The following TNFSF15 variants were observed in gnomAD, a reference collection of about 807,000 sequenced individuals.
TNFSF15 encodes the protein TNF superfamily member 15.
In TNFSF15, 15 loss-of-function variants were observed where a neutral mutation model predicts 26.4. The ratio of observed to expected loss-of-function variants is 0.57; its 90% CI spans 0.38 to 0.87. TNFSF15 has a LOEUF of 0.87. Among genes scored for constraint, TNFSF15 ranks in the 40% least tolerant of loss-of-function variants. TNFSF15 has a pLI of 0.00. For synonymous variants in TNFSF15, 116 were observed against 115.0 expected (o/e 1.01, Z -0.06); for missense variants, 290 against 306.1 (o/e 0.95, Z 0.39).
In TNFSF15 at chr9:114,790,476, G is replaced by A; in HGVS notation, c.732C>T (p.Thr244=). The change falls in exon 4 of 4, where the codon ACC becomes ACT. Residue 244 remains threonine, a synonymous_variant. Coordinates refer to ENST00000374045, the MANE Select transcript of TNFSF15 (RefSeq NM_005118.4). The part of the protein sequence containing the change: ...SLVDYTKEDK[T]FFGAFLL The stretch of plus-strand genomic sequence containing the variant: ...CCTATAGTAAGAAGGCTCCAAAGAA[G>A]GTTTTATCTTCTTTTGTGTAATCCA... The A allele has an allele frequency of 6.2e-7, 1 of 1,610,016 alleles. No homozygotes were observed. The highest frequency in any genetic ancestry group is 1.3e-5 in the African/African-American group (1 of 74,824).
At position 114,793,587 on chromosome 9, in the gene TNFSF15, T is replaced by C; in HGVS notation, c.211-19A>G. ...TTAGAGCCTATTGGGAAAGAAAGTA[T>C]AGTTTAGACCAACTGTGGTCCTTTT... On this transcript the variant is annotated intron_variant, in intron 1 of 3. Coordinates refer to ENST00000374045, the MANE Select transcript of TNFSF15 (RefSeq NM_005118.4). The C allele has an allele frequency of 1.2e-6, 2 of 1,613,208 alleles. No homozygotes were observed. The highest frequency in any genetic ancestry group is 1.7e-6 in the Non-Finnish European group (2 of 1,179,236).
intron 3 of TNFSF15, chr9:114,791,603 G>A (rs56364970): frequency 7.9e-4 from 132 of 168,032 alleles, no homozygotes; most frequent in East Asian, 6.9e-3. Flanking sequence ...TAACCTTCTA[G>A]GTTTTCAGTG....
At chr9:114,799,848 G>A (rs1829718880) in intron 1 of TNFSF15, among the ~76,000 whole-genome samples, 1 of 152,176 alleles carries the variant, frequency 6.6e-6, no homozygotes, top group Non-Finnish European at 1.5e-5. Context: ...TGCCCTTCCT[G>A]CCTCTGCACT....
rs1047533515 is a variant in TNFSF15 at position 114,805,953 on chromosome 9, C to A, written c.60G>T (p.Glu20Asp). 2 of 1,614,076 alleles carry A rather than the reference C, an allele frequency of 1.2e-6. No homozygotes were observed. The highest frequency in any genetic ancestry group is 1.7e-4 in the Middle Eastern group (1 of 6,034). ...GETASVEMLP[E>D]HGSCRPKARS... ...TGGCCTTGGGCCTGCAGCTGCCGTG[C>A]TCTGGCAGCATTTCCACACTGGCTG... The change falls in exon 1 of 4, where the codon GAG becomes GAT. Residue 20 changes from glutamate (E) to aspartate (D), a missense_variant. Physicochemically the swap from Glu to Asp is conservative, Grantham distance 45 (BLOSUM62 2). Transcript: ENST00000374045.
Position 114,792,474 on chromosome 9 carries a change from G to A in TNFSF15, c.254-20C>T, listed in dbSNP as rs1165154364. 17 of 1,613,928 alleles carry A rather than the reference G, an allele frequency of 1.1e-5. No individual in the cohort carries two copies. Among genetic ancestry groups the A allele is most frequent in the African/African-American group, 5.3e-5 (4 of 74,912 alleles). ...GTGCATCTGTAACAAAAGGAGAAATGTGCTTTGTATGAGACAAAGGGTGAC... is the reference window on the plus strand; with the variant it reads ...GTGCATCTGTAACAAAAGGAGAAATATGCTTTGTATGAGACAAAGGGTGAC... On this transcript the variant is annotated intron_variant, in intron 2 of 3. Coordinates refer to ENST00000374045, the MANE Select transcript of TNFSF15 (RefSeq NM_005118.4).
chr9:114,804,875 C>T (rs577458865), intron 1 of TNFSF15, among the ~76,000 whole-genome samples: 47 of 152,256 alleles, frequency 3.1e-4, no homozygotes, highest in Middle Eastern at 6.8e-3. Flanking sequence ...CAGTTAAACC[C>T]ATTGAAAACC....
intron 3 of TNFSF15, 111 bp from the exon 4 acceptor site, chr9:114,791,017 CA>C (rs772787417): frequency 1.0e-6 from 1 of 990,790 alleles, no homozygotes; most frequent in East Asian, 2.6e-5. Context: ...ATATACCTAA[CA>C]GCTAAAAACT....
intron 1 of TNFSF15, 121 bp from the exon 2 acceptor site, chr9:114,793,689 T>A: frequency 1.2e-6 from 1 of 836,222 alleles, no homozygotes; most frequent in South Asian, 1.6e-5. Flanking sequence ...TACTCTGTGA[T>A]GAGGGAAATG....
chr9:114,805,709 A>G, intron 1 of TNFSF15, 94 bp downstream of exon 1: 2 of 1,246,824 alleles, frequency 1.6e-6, no homozygotes, highest in Non-Finnish European at 2.2e-6. Flanking sequence ...TGATACATCA[A>G]GAAACTCTAT....
At chr9:114,805,253 T>C (rs1829804866) in intron 1 of TNFSF15, among the ~76,000 whole-genome samples, 1 of 152,246 alleles carries the variant, frequency 6.6e-6, no homozygotes, top group Non-Finnish European at 1.5e-5. Context: ...TGTGTATCTA[T>C]AGCATCATGT....
chr9:114,793,958 C>T (rs890329965), intron 1 of TNFSF15, among the ~76,000 whole-genome samples: 21 of 152,152 alleles, frequency 1.4e-4, no homozygotes, highest in African/African-American at 3.6e-4. Context: ...TTCTTAAAAA[C>T]GACACAGAAG....
At position 114,794,148 on chromosome 9, in the gene TNFSF15, C is replaced by T. The variant is rs374581288; in HGVS notation, c.211-580G>A. 2.0e-5 allele frequency among the ~76,000 whole-genome samples: 3 copies of T among 152,198 alleles called. 1 individual carries two copies. Among genetic ancestry groups the T allele is most frequent in the Non-Finnish European group, 4.4e-5 (3 of 68,036 alleles). On this transcript the variant is annotated intron_variant, in intron 1 of 3. Transcript: ENST00000374045. ...ACAGATCTGAATTTAAATCCTTGTT[C>T]CACCATTTATTAACAATATGACCTT...
rs1250484626 is a variant in TNFSF15, at chr9:114,790,821, C to T, written c.387G>A (p.Lys129=). 1 of 1,614,074 alleles carries T rather than the reference C, an allele frequency of 6.2e-7. No individual in the cohort carries two copies. The highest frequency in any genetic ancestry group is 1.1e-5 in the South Asian group (1 of 91,064). Reference sequence around the variant, plus strand: ...ATTTGTTGGTATAGTTCATTCGGTTCTTGGTGAAGGCCAGGCCTAGTTCAT... The same window carrying T: ...ATTTGTTGGTATAGTTCATTCGGTTTTTGGTGAAGGCCAGGCCTAGTTCAT... ...WEHELGLAFT[K]NRMNYTNKFL... The change falls in exon 4 of 4, where the codon AAG becomes AAA. Residue 129 remains lysine, a synonymous_variant. Transcript: ENST00000374045.
At position 114,805,697 on chromosome 9, in the gene TNFSF15, T is replaced by C. The variant is rs565803435; in HGVS notation, c.210+106A>G. On this transcript the variant is annotated intron_variant, in intron 1 of 3. Transcript: ENST00000374045. ...TTCCTCTGCATGTAGAAACAAGAAA[T>C]GTGATACATCAAGAAACTCTATCCT... 91 of 1,104,128 alleles carry C rather than the reference T, an allele frequency of 8.2e-5. No homozygotes were observed. In the East Asian group the frequency reaches 2.2e-3, roughly 27 times the overall value. 68.4% of individuals were successfully genotyped at this position (1,104,128 alleles called of 1,614,324 possible).
At chr9:114,802,680 C>T (rs1829764706) in intron 1 of TNFSF15, among the ~76,000 whole-genome samples, 1 of 152,174 alleles carries the variant, frequency 6.6e-6, no homozygotes, top group Non-Finnish European at 1.5e-5. Context: ...ATGGGTGACT[C>T]TGTGGGTGGC....
In TNFSF15 at chr9:114,786,705, G is replaced by A. The variant is rs1276439510; in HGVS notation, c.*3747C>T. 1 of 151,998 alleles carries A rather than the reference G, an allele frequency of 6.6e-6. No homozygotes were observed. The allele number at this position is 151,998 out of a possible 1,614,324, so 9.4% of individuals were successfully genotyped here. ...AGGCGGGCGGATCACGAGGTCAGGA[G>A]ATCGAGACCATCCTGGCTAACACGG... On this transcript the variant is annotated 3_prime_UTR_variant, in exon 4 of 4. Transcript: ENST00000374045.
At chr9:114,793,595 AC>A in intron 1 of TNFSF15, 27 bp from the exon 2 acceptor site, 1 of 1,612,284 alleles carries the variant, frequency 6.2e-7, no homozygotes, top group Middle Eastern at 1.7e-4. Flanking sequence ...TATAGTTTAG[AC>A]CAACTGTGGT....
At chr9:114,793,942 G>A (rs1164190490) in intron 1 of TNFSF15, among the ~76,000 whole-genome samples, 1 of 152,062 alleles carries the variant, frequency 6.6e-6, no homozygotes. Flanking sequence ...TTAAAAATTG[G>A]GACTCTTCTT....
Position 114,790,710 on chromosome 9 carries a change from T to C in TNFSF15, c.498A>G (p.Arg166=). Residue 166 remains arginine, a synonymous_variant, in exon 4 of 4, where the codon AGA becomes AGG. Coordinates refer to ENST00000374045, the MANE Select transcript of TNFSF15 (RefSeq NM_005118.4). ...CTGGCTTGTTTGGTCGGCCTGCTTG[T>C]CTGATTTCACTGCACTCAGAGGTCA... ...RGMTSECSEI[R]QAGRPNKPDS... 6.2e-7 allele frequency: 1 copy of C among 1,614,056 alleles called. No homozygotes were observed. The highest frequency in any genetic ancestry group is 1.1e-5 in the South Asian group (1 of 91,080).
Sources: allele counts gnomAD v4.1 joint callset (sites outside exome capture counted in the v4.1 genomes callset), GRCh38; gene constraint gnomAD v4.1.1; transcripts MANE v1.5; gene names NCBI Gene and HGNC (gene_info 2026-07-23, HGNC 2026-07-21).